Variants in TPT1 observed in about 807,000 individuals in gnomAD.
The protein encoded by TPT1 is tumor protein, translationally-controlled 1.
TPT1 carries 5 observed loss-of-function variants against 22.8 expected under a neutral mutation model. That is an observed-to-expected ratio of 0.22 (90% CI 0.11 to 0.46). The LOEUF is 0.46. Ranked by LOEUF, TPT1 falls within the 20% of genes least tolerant of loss-of-function variation. The pLI is 0.99. For synonymous variants in TPT1, 89 were observed against 73.6 expected, an observed-to-expected ratio of 1.21 and a Z score of -1.07; for missense variants, 130 against 218.7, an observed-to-expected ratio of 0.59 and a Z score of 2.56.
chr13:45,338,840 A>G, intron 4 of TPT1, 64 bp from the exon 5 acceptor site: 1 of 1,355,636 alleles, frequency 7.4e-7, no homozygotes, highest in African/African-American at 1.5e-5. Context: ...CATTCAAAAC[A>G]AACTACAGTA....
chr13:45,334,473 A>G lies in TPT1; in HGVS notation c.*2913T>C, dbSNP rs1391585674. 6.6e-6 allele frequency: 1 copy of G among 152,040 alleles called. No homozygotes were observed. The highest frequency in any genetic ancestry group is 6.6e-5 in the Admixed American group (1 of 15,262). 9.4% of individuals were successfully genotyped at this position (152,040 alleles called of 1,614,324 possible). ...ACTTCTCTGAAGAATCAGCATCTCA[A>G]ACTTAACACATCCAAAACTAACAAA... On this transcript the variant is annotated 3_prime_UTR_variant, in exon 6 of 6. Coordinates refer to ENST00000530705, the MANE Select transcript of TPT1 (RefSeq NM_003295.4).
At chr13:45,340,825 C>A in intron 1 of TPT1, 40 bp from the exon 2 acceptor site, 1 of 1,496,418 alleles carries the variant, frequency 6.7e-7, no homozygotes, top group South Asian at 1.4e-5. Flanking sequence ...GTGCGCCTGG[C>A]GCCGCCATTT....
At position 45,338,699 on chromosome 13, in the gene TPT1, A is replaced by G; in HGVS notation, c.477T>C (p.Tyr159=). The change falls in exon 5 of 6, where the codon TAT becomes TAC. Residue 159 remains tyrosine, a synonymous_variant. Transcript: ENST00000530705. ...LDYREDGVTP[Y]MIFFKDGLEM... Reference sequence around the variant, plus strand: ...CTAAACCATCCTTAAAGAAAATCATATATGGGGTCACACCATCCTCACGGT... The same window carrying G: ...CTAAACCATCCTTAAAGAAAATCATGTATGGGGTCACACCATCCTCACGGT... 2 of 1,613,662 alleles carry G rather than the reference A, an allele frequency of 1.2e-6. No homozygotes were observed. Among genetic ancestry groups the G allele is most frequent in the Non-Finnish European group, 1.7e-6 (2 of 1,179,908 alleles).
chr13:45,340,318 G>A (rs1370648912), intron 2 of TPT1, 134 bp from the exon 3 acceptor site: 9 of 1,193,884 alleles, frequency 7.5e-6, no homozygotes, highest in Admixed American at 2.1e-5. Context: ...TGGGAATAAA[G>A]TTGTGACCCG....
At chr13:45,339,817 G>A (rs1224380427) in intron 3 of TPT1, 177 bp downstream of exon 3, 4 of 761,738 alleles carry the variant, frequency 5.3e-6, no homozygotes, top group Middle Eastern at 3.3e-4. Flanking sequence ...GAAACAGACT[G>A]CAGGCTTCAG....
intron 4 of TPT1, chr13:45,339,271 G>A (rs1878918981): frequency 2.4e-6 from 1 of 424,586 alleles, no homozygotes. Context: ...GCAAAAAACT[G>A]AAAGAACACT....
At position 45,333,589 on chromosome 13, in the gene TPT1, A is replaced by C. The variant is rs1878503007; in HGVS notation, c.*3797T>G. On this transcript the variant is annotated 3_prime_UTR_variant, in exon 6 of 6. Transcript: ENST00000530705. ...CAATCCCTGCAGTTCAGAATGACAG[A>C]ATTTACATCAACAAAAATCTAGTCA... 1 of 152,208 alleles carries C rather than the reference A, an allele frequency of 6.6e-6. No individual in the cohort carries two copies. Among genetic ancestry groups the C allele is most frequent in the Admixed American group, 6.6e-5 (1 of 15,264 alleles). 9.4% of individuals were successfully genotyped at this position (152,208 alleles called of 1,614,324 possible). A position where few individuals can be genotyped will look rare whatever the true frequency, so the allele number is the denominator to read the frequency against.
At chr13:45,338,479 C>A (rs1420102723) in intron 5 of TPT1, 181 bp downstream of exon 5, 12 of 1,227,650 alleles carry the variant, frequency 9.8e-6, no homozygotes, top group Admixed American at 3.3e-5. Flanking sequence ...AGATTCTAAG[C>A]CTTTTTATAC....
chr13:45,337,300 T>C lies in TPT1; in HGVS notation c.*86A>G. ...GAGCTCAAGATGACATCAGTCCCATTTGTCTTAAGTCCTGGTGTTGTGTGG... is the reference window on the plus strand; with the variant it reads ...GAGCTCAAGATGACATCAGTCCCATCTGTCTTAAGTCCTGGTGTTGTGTGG... On this transcript the variant is annotated 3_prime_UTR_variant, in exon 6 of 6. Coordinates refer to ENST00000530705, the MANE Select transcript of TPT1 (RefSeq NM_003295.4). 1.5e-6 allele frequency: 2 copies of C among 1,300,858 alleles called. No homozygotes were observed. Among genetic ancestry groups the C allele is most frequent in the Non-Finnish European group, 2.2e-6 (2 of 899,172 alleles). The allele number at this position is 1,300,858 out of a possible 1,614,324, so 80.6% of individuals were successfully genotyped here. A position where few individuals can be genotyped will look rare whatever the true frequency, so the allele number is the denominator to read the frequency against.
Position 45,333,618 on chromosome 13 carries a change from A to G in TPT1, c.*3768T>C, listed in dbSNP as rs1878504113. On this transcript the variant is annotated 3_prime_UTR_variant, in exon 6 of 6. Coordinates refer to ENST00000530705, the MANE Select transcript of TPT1 (RefSeq NM_003295.4). ...TACATCAACAAAAATCTAGTCATTT[A>G]ACTAGATTTTGAAACTCCTAATGAT... 1 of 152,234 alleles carries G rather than the reference A, an allele frequency of 6.6e-6. No individual in the cohort carries two copies. The highest frequency in any genetic ancestry group is 1.5e-5 in the Non-Finnish European group (1 of 68,042). 9.4% of individuals were successfully genotyped at this position (152,234 alleles called of 1,614,324 possible). A position where few individuals can be genotyped will look rare whatever the true frequency, so the allele number is the denominator to read the frequency against.
At chr13:45,337,467 A>G (rs752532459) in intron 5 of TPT1, 79 bp from the exon 6 acceptor site, 49 of 1,614,034 alleles carry the variant, frequency 3.0e-5, no homozygotes, top group Non-Finnish European at 4.1e-5. Flanking sequence ...TGCAGCCTAC[A>G]TTTCCAGGCT....
Position 45,340,989 on chromosome 13 carries a change from C to G in TPT1, c.28+53G>C. 2.5e-6 allele frequency: 4 copies of G among 1,587,356 alleles called. No individual in the cohort carries two copies. In the Admixed American group the frequency reaches 7.1e-5, roughly 28 times the overall value. On this transcript the variant is annotated intron_variant, in intron 1 of 5. Coordinates refer to ENST00000530705, the MANE Select transcript of TPT1 (RefSeq NM_003295.4). Reference sequence around the variant, plus strand: ...ACGGCTGCGCCTTCCCCGCCCCCACCCGCACCCCAGACCCCCGTGTGCGGC... The same window carrying G: ...ACGGCTGCGCCTTCCCCGCCCCCACGCGCACCCCAGACCCCCGTGTGCGGC...
chr13:45,333,993 G>A lies in TPT1; in HGVS notation c.*3393C>T, dbSNP rs1878527039. On this transcript the variant is annotated 3_prime_UTR_variant, in exon 6 of 6. Coordinates refer to ENST00000530705, the MANE Select transcript of TPT1 (RefSeq NM_003295.4). Reference sequence around the variant, plus strand: ...GTCTCACTGCCGCCCAGGCTGGAGTGCAGTGGTATGATCACAGCTCACTGC... The same window carrying A: ...GTCTCACTGCCGCCCAGGCTGGAGTACAGTGGTATGATCACAGCTCACTGC... 6.6e-6 allele frequency: 1 copy of A among 152,116 alleles called. No individual in the cohort carries two copies. Among genetic ancestry groups the A allele is most frequent in the Non-Finnish European group, 1.5e-5 (1 of 68,056 alleles). 9.4% of individuals were successfully genotyped at this position (152,116 alleles called of 1,614,324 possible). A position where few individuals can be genotyped will look rare whatever the true frequency, so the allele number is the denominator to read the frequency against.
At position 45,336,302 on chromosome 13, in the gene TPT1, C is replaced by T. The variant is rs1042681077; in HGVS notation, c.*1084G>A. Reference sequence around the variant, plus strand: ...ACCGACCTGCCTCAAAAACTCTTCCCGCTTTTTTTCCTCCTGTATTCCTCT... The same window carrying T: ...ACCGACCTGCCTCAAAAACTCTTCCTGCTTTTTTTCCTCCTGTATTCCTCT... On this transcript the variant is annotated 3_prime_UTR_variant, in exon 6 of 6. Coordinates refer to ENST00000530705, the MANE Select transcript of TPT1 (RefSeq NM_003295.4). 1 of 152,188 alleles carries T rather than the reference C, an allele frequency of 6.6e-6. No homozygotes were observed. Among genetic ancestry groups the T allele is most frequent in the African/African-American group, 2.4e-5 (1 of 41,444 alleles). The allele number at this position is 152,188 out of a possible 1,614,324, so 9.4% of individuals were successfully genotyped here. A position where few individuals can be genotyped will look rare whatever the true frequency, so the allele number is the denominator to read the frequency against.
chr13:45,338,550 C>A, intron 5 of TPT1, 110 bp downstream of exon 5: 2 of 1,471,426 alleles, frequency 1.4e-6, no homozygotes, highest in Non-Finnish European at 1.8e-6. Context: ...AAACTAAAAC[C>A]ATGTTTCAGA....
rs11552485 is a variant in TPT1 at position 45,341,084 on chromosome 13, G to A, written c.-15C>T. On this transcript the variant is annotated 5_prime_UTR_variant, in exon 1 of 6. Transcript: ENST00000530705. The stretch of plus-strand genomic sequence containing the variant: ...TAGATAATCATGATGGCGACTGAAG[G>A]GAGACGACGACGGCGCTAGCTTAGC... The A allele has an allele frequency of 6.2e-6, 10 of 1,612,964 alleles. No individual in the cohort carries two copies. The highest frequency in any genetic ancestry group is 2.2e-5 in the East Asian group (1 of 44,854).
intron 5 of TPT1, among the ~76,000 whole-genome samples, chr13:45,337,838 G>A (rs908423257): frequency 4.6e-5 from 7 of 152,164 alleles, no homozygotes; most frequent in African/African-American, 1.7e-4. Flanking sequence ...CTAGGATAAT[G>A]AATGCCTTTG....
In TPT1 at chr13:45,340,178, T is replaced by A; in HGVS notation, c.109A>T (p.Ser37Cys). The A allele has an allele frequency of 3.1e-6, 5 of 1,610,154 alleles. No homozygotes were observed. Among genetic ancestry groups the A allele is most frequent in the Non-Finnish European group, 4.2e-6 (5 of 1,177,960 alleles). ...TCATCAATGTTACCTTCTGTCCTAC[T>A]GACCATCTGCATTAAGAAAAAGCAG... The part of the protein sequence containing the change: ...LCLEVEGKMV[S>C]RTEGNIDDSL... The change falls in exon 3 of 6, where the codon AGT becomes TGT. Residue 37 changes from serine to cysteine, a missense_variant. Transcript: ENST00000530705.
rs1367452137 is a variant in TPT1, at chr13:45,339,555, A to G, written c.341T>C (p.Phe114Ser). ...EEQRPERVKP[F>S]MTGAAEQIKH... ...GATTTGTTCTGCAGCCCCTGTCATA[A>G]AAGGTTTTACTCTTTCTGGTCTCTG... The change falls in exon 4 of 6, where the codon TTT becomes TCT. Residue 114 changes from phenylalanine to serine, a missense_variant. Transcript: ENST00000530705. The G allele has an allele frequency of 1.2e-6, 2 of 1,613,750 alleles. No individual in the cohort carries two copies. The highest frequency in any genetic ancestry group is 1.7e-5 in the Admixed American group (1 of 59,980).
Sources: allele counts gnomAD v4.1 joint callset (sites outside exome capture counted in the v4.1 genomes callset), GRCh38; gene constraint gnomAD v4.1.1; transcripts MANE v1.5; gene names NCBI Gene and HGNC (gene_info 2026-07-23, HGNC 2026-07-21).